Variants in RAB27A observed in about 807,000 individuals in gnomAD.
The protein encoded by RAB27A is ras-related protein Rab-27A.
A neutral mutation model predicts 20.8 loss-of-function variants in RAB27A; 17 were observed. The ratio of observed to expected loss-of-function variants is 0.82; its 90% CI spans 0.56 to 1.23. The LOEUF (loss-of-function observed/expected upper bound fraction) is 1.23, where lower values mean the gene tolerates loss of function less well. RAB27A is among the 50% of genes most tolerant of loss of function. The pLI is 0.00. For synonymous variants in RAB27A, 85 were observed against 92.8 expected (o/e 0.92, Z 0.48); for missense variants, 277 against 266.7 (o/e 1.04, Z -0.27).
intron 6 of RAB27A, among the ~76,000 whole-genome samples, chr15:55,208,834 G>C (rs925740506): frequency 6.6e-6 from 1 of 152,162 alleles, no homozygotes; most frequent in Non-Finnish European, 1.5e-5. Flanking sequence ...TCTAGAAGCA[G>C]AGTAGATAGC....
intron 2 of RAB27A, among the ~76,000 whole-genome samples, chr15:55,256,046 T>G (rs554372612): frequency 2.0e-5 from 3 of 152,228 alleles, no homozygotes; most frequent in African/African-American, 7.2e-5. Context: ...TGAAATGCAT[T>G]TTATAAACTG....
intron 6 of RAB27A, among the ~76,000 whole-genome samples, chr15:55,206,717 A>T (rs554353503): frequency 1.3e-5 from 2 of 152,306 alleles, no homozygotes; most frequent in South Asian, 4.1e-4. Context: ...TAAAACTTGA[A>T]AACTTTTAGA....
chr15:55,287,532 G>A (rs1379736060), intron 1 of RAB27A, among the ~76,000 whole-genome samples: 1 of 152,132 alleles, frequency 6.6e-6, no homozygotes, highest in African/African-American at 2.4e-5. Flanking sequence ...CAGATCACCT[G>A]AGATCGGGAG....
intron 2 of RAB27A, among the ~76,000 whole-genome samples, chr15:55,259,090 A>G (rs1897184524): frequency 1.3e-5 from 2 of 152,208 alleles, no homozygotes; most frequent in East Asian, 3.8e-4. Context: ...TGCTGAGATT[A>G]TAGACATAAG....
intron 2 of RAB27A, among the ~76,000 whole-genome samples, chr15:55,308,544 T>C (rs940380310): frequency 2.0e-5 from 3 of 152,210 alleles, no homozygotes; most frequent in Admixed American, 6.5e-5. Context: ...CAAAGGAACT[T>C]CCATCAGTAT....
intron 2 of RAB27A, among the ~76,000 whole-genome samples, chr15:55,303,732 T>C (rs2054985177): frequency 7.7e-6 from 1 of 129,284 alleles, no homozygotes; most frequent in Non-Finnish European, 1.6e-5. Context: ...CGGCCACCCC[T>C]ACTGGGAAGT....
intron 1 of RAB27A, among the ~76,000 whole-genome samples, chr15:55,285,714 G>C (rs1898133681): frequency 6.6e-6 from 1 of 152,194 alleles, no homozygotes. Context: ...GCGATGGCAA[G>C]ACAATTTCCC....
chr15:55,242,090 C>T (rs1413556598), intron 2 of RAB27A, among the ~76,000 whole-genome samples: 2 of 151,974 alleles, frequency 1.3e-5, no homozygotes, highest in African/African-American at 4.8e-5. Context: ...CTTAGGATCC[C>T]CCACTATTAG....
intron 6 of RAB27A, among the ~76,000 whole-genome samples, chr15:55,214,218 C>T (rs1416055736): frequency 3.3e-5 from 5 of 151,836 alleles, no homozygotes; most frequent in South Asian, 2.1e-4. Context: ...GGGCGGATCA[C>T]GAAGTCGGGA....
At chr15:55,285,433 A>G (rs1451662839) in intron 1 of RAB27A, among the ~76,000 whole-genome samples, 1 of 152,190 alleles carries the variant, frequency 6.6e-6, no homozygotes, top group Non-Finnish European at 1.5e-5. Flanking sequence ...TCATACAAGT[A>G]CCTGCAAAAC....
chr15:55,219,361 C>T (rs986573609), intron 6 of RAB27A, among the ~76,000 whole-genome samples: 1 of 152,192 alleles, frequency 6.6e-6, no homozygotes, highest in Non-Finnish European at 1.5e-5. Flanking sequence ...CACAAGTAGA[C>T]AATTGGTTCA....
At chr15:55,271,205 T>C (rs1897695779) in intron 1 of RAB27A, among the ~76,000 whole-genome samples, 1 of 152,160 alleles carries the variant, frequency 6.6e-6, no homozygotes, top group South Asian at 2.1e-4. Flanking sequence ...ATCTCCACAA[T>C]AAAATCCCTG....
intron 2 of RAB27A, among the ~76,000 whole-genome samples, chr15:55,300,505 C>A (rs1039876836): frequency 2.0e-5 from 3 of 152,044 alleles, no homozygotes; most frequent in Non-Finnish European, 2.9e-5. Flanking sequence ...CATGGAGAAA[C>A]CCCGTCTCTA....
chr15:55,316,137 C>T (rs951033704), intron 1 of RAB27A, among the ~76,000 whole-genome samples: 1 of 149,354 alleles, frequency 6.7e-6, no homozygotes, highest in African/African-American at 2.5e-5. Flanking sequence ...TAGGCTGAGG[C>T]AGAACTGCTT....
intron 1 of RAB27A, among the ~76,000 whole-genome samples, chr15:55,274,036 C>A (rs1385157343): frequency 6.6e-6 from 1 of 152,126 alleles, no homozygotes; most frequent in African/African-American, 2.4e-5. Flanking sequence ...CGATCGAAAT[C>A]ATATTAATTA....
chr15:55,260,584 G>A lies in RAB27A; in HGVS notation c.-23+9581C>T, dbSNP rs190311570. ...GGATAAATAAACTGTGGTACATTCAGACAATGGAAAATTATTCAGCACTAA... is the reference window on the plus strand; with the variant it reads ...GGATAAATAAACTGTGGTACATTCAAACAATGGAAAATTATTCAGCACTAA... On this transcript the variant is annotated intron_variant, in intron 2 of 6. Coordinates refer to ENST00000336787, the MANE Select transcript of RAB27A (RefSeq NM_183235.3). Among the ~76,000 whole-genome samples, 574 of 152,278 alleles carry A rather than the reference G, an allele frequency of 3.8e-3. 2 individuals are homozygous for A. Among genetic ancestry groups the A allele is most frequent in the Middle Eastern group, 6.8e-3 (2 of 294 alleles).
intron 2 of RAB27A, chr15:55,238,398 C>T (rs1238067029): frequency 2.0e-5 from 3 of 152,172 alleles, no homozygotes; most frequent in Non-Finnish European, 2.9e-5. Flanking sequence ...TAATAGGAAA[C>T]TCACCAAGTC....
chr15:55,220,769 A>G (rs986558916), intron 6 of RAB27A, among the ~76,000 whole-genome samples: 1 of 152,238 alleles, frequency 6.6e-6, no homozygotes, highest in African/African-American at 2.4e-5. Context: ...TAAGAATGAA[A>G]CAAAACATCT....
chr15:55,224,116 G>T, intron 5 of RAB27A, 104 bp from the exon 6 acceptor site: 1 of 850,084 alleles, frequency 1.2e-6, no homozygotes, highest in Non-Finnish European at 1.9e-6. Context: ...TGTATATATA[G>T]ATATTGGGAA....
Sources: gnomAD v4.1 joint callset for allele counts (sites outside exome capture counted in the v4.1 genomes callset) on GRCh38, gnomAD v4.1.1 for gene constraint, MANE v1.5 for transcripts, NCBI Gene and HGNC (gene_info 2026-07-23, HGNC 2026-07-21) for gene names.